Variants in SPTLC2 observed in about 807,000 individuals in gnomAD.
The protein encoded by SPTLC2 is serine palmitoyltransferase long chain base subunit 2.
A neutral mutation model predicts 62.0 loss-of-function variants in SPTLC2; 21 were observed. The ratio of observed to expected loss-of-function variants is 0.34; its 90% confidence interval spans 0.24 to 0.49. The LOEUF (loss-of-function observed/expected upper bound fraction) is 0.49, where lower values mean the gene tolerates loss of function less well. Among genes scored for constraint, SPTLC2 ranks in the 20% least tolerant of loss-of-function variants. The pLI is 0.99. For synonymous variants in SPTLC2, 261 were observed against 261.8 expected (o/e 1.00, Z 0.03); for missense variants, 511 against 713.0 (o/e 0.72, Z 3.23).
chr14:77,513,422 A>C (rs1224457723), intron 11 of SPTLC2, among the ~76,000 whole-genome samples: 2 of 152,228 alleles, frequency 1.3e-5, no homozygotes, highest in East Asian at 3.8e-4. Context: ...CAAAATGTGA[A>C]AAATATAAAA....
At chr14:77,546,764 T>G (rs369858731) in intron 9 of SPTLC2, among the ~76,000 whole-genome samples, 1 of 152,136 alleles carries the variant, frequency 6.6e-6, no homozygotes, top group African/African-American at 2.4e-5. Context: ...AGATGGAGTT[T>G]CGCTCTTGTT....
At chr14:77,604,117 CT>C (rs3837646) in intron 1 of SPTLC2, among the ~76,000 whole-genome samples, 29,464 of 152,188 alleles carry the variant, frequency 0.19, 3,074 homozygotes, top group South Asian at 0.3. Flanking sequence ...GGATGCGCCC[CT>C]GGTGGTCACG....
chr14:77,560,168 C>G (rs1259667519), intron 6 of SPTLC2, among the ~76,000 whole-genome samples: 1 of 152,164 alleles, frequency 6.6e-6, no homozygotes, highest in East Asian at 1.9e-4. Flanking sequence ...TGAGTAGGAA[C>G]AGTCAATCTC....
At position 77,553,287 on chromosome 14, in the gene SPTLC2, AAAAACC is replaced by A. The variant is rs1333367622; in HGVS notation, c.1177-1071_1177-1066del. Among the ~76,000 whole-genome samples, 42 of 152,360 alleles carry A rather than the reference AAAAACC, an allele frequency of 2.8e-4. 1 individual carries two copies. Among genetic ancestry groups the A allele is most frequent in the African/African-American group, 9.9e-4 (41 of 41,588 alleles). On this transcript the variant is annotated intron_variant, in intron 8 of 11. Coordinates refer to ENST00000216484, the MANE Select transcript of SPTLC2 (RefSeq NM_004863.4). ...TCAAAAATATTAAAAATTGTACTAA[AAAAACC>A]AAAAGCACAAATATATTGTACTTTA... is the stretch of plus-strand genomic sequence containing the variant.
intron 1 of SPTLC2, among the ~76,000 whole-genome samples, chr14:77,604,406 A>T (rs1030372250): frequency 6.6e-6 from 1 of 151,802 alleles, no homozygotes; most frequent in African/African-American, 2.4e-5. Context: ...CCAATAAATC[A>T]CTCTTTGCTT....
intron 2 of SPTLC2, among the ~76,000 whole-genome samples, chr14:77,589,747 G>A (rs1180495651): frequency 5.9e-5 from 9 of 151,704 alleles, no homozygotes; most frequent in Non-Finnish European, 8.8e-5. Context: ...CCAAGATTGC[G>A]CCATTGCACT....
intron 2 of SPTLC2, among the ~76,000 whole-genome samples, chr14:77,591,690 T>TG (rs2079817431): frequency 1.1e-5 from 1 of 89,656 alleles, no homozygotes; most frequent in Non-Finnish European, 2.4e-5. Flanking sequence ...AGTAGTGCTC[T>TG]TCTGTATGTA....
In SPTLC2 at chr14:77,606,373, C is replaced by CTGTGTGTGTGTG. The variant is rs59065946; in HGVS notation, c.133-9005_133-8994dup. ...TTTTGCTTTCCCAGGAGGGAGGGGA[C>CTGTGTGTGTGTG]TGTGTGTGTGTGTGTGTGTGTGTGT... On this transcript the variant is annotated intron_variant, in intron 1 of 11. Coordinates refer to ENST00000216484, the MANE Select transcript of SPTLC2 (RefSeq NM_004863.4). Among the ~76,000 whole-genome samples the CTGTGTGTGTGTG allele has an allele frequency of 4.9e-3, 726 of 148,332 alleles. 4 individuals are homozygous for CTGTGTGTGTGTG. Among genetic ancestry groups the CTGTGTGTGTGTG allele is most frequent in the African/African-American group, 7.8e-3 (313 of 40,022 alleles).
At chr14:77,578,076 T>A (rs2079726804) in intron 3 of SPTLC2, among the ~76,000 whole-genome samples, 1 of 151,344 alleles carries the variant, frequency 6.6e-6, no homozygotes. Context: ...ACTTGGGAGG[T>A]GGAGGTTGCA....
At chr14:77,514,124 A>G (rs1243267923) in intron 11 of SPTLC2, among the ~76,000 whole-genome samples, 1 of 151,894 alleles carries the variant, frequency 6.6e-6, no homozygotes, top group Non-Finnish European at 1.5e-5. Flanking sequence ...TGGAGGCTGC[A>G]GTGAGCCAAG....
chr14:77,579,033 T>C lies in SPTLC2; in HGVS notation c.404A>G (p.Asn135Ser). 6.2e-7 allele frequency: 1 copy of C among 1,614,146 alleles called. No individual in the cohort carries two copies. The highest frequency in any genetic ancestry group is 8.5e-7 in the Non-Finnish European group (1 of 1,180,012). The change falls in exon 3 of 12, where the codon AAT becomes AGT. Residue 135 changes from asparagine to serine, a missense_variant. Physicochemically the swap from Asn to Ser is conservative, Grantham distance 46. Coordinates refer to ENST00000216484, the MANE Select transcript of SPTLC2 (RefSeq NM_004863.4). ...NLYMRIRDNW[N>S]RPICSVPGAR... is the part of the protein sequence containing the mutation. Reference sequence around the variant, plus strand: ...TCCAGGCACACTACAGATTGGCCGATTCCAGTTGTCTCTTATCCTCATGTA... The same window carrying C: ...TCCAGGCACACTACAGATTGGCCGACTCCAGTTGTCTCTTATCCTCATGTA...
intron 8 of SPTLC2, among the ~76,000 whole-genome samples, chr14:77,552,558 C>T (rs965513822): frequency 6.6e-6 from 1 of 152,032 alleles, no homozygotes; most frequent in Non-Finnish European, 1.5e-5. Context: ...GTAATCCCAG[C>T]AGTTTGGGAG....
At chr14:77,577,793 G>A (rs189446370) in intron 3 of SPTLC2, among the ~76,000 whole-genome samples, 2 of 152,236 alleles carry the variant, frequency 1.3e-5, no homozygotes, top group East Asian at 1.9e-4. Context: ...CCAGCTACTC[G>A]GGAGGCTGAG....
At chr14:77,519,473 T>C (rs186716694) in intron 10 of SPTLC2, among the ~76,000 whole-genome samples, 10 of 151,870 alleles carry the variant, frequency 6.6e-5, no homozygotes, top group African/African-American at 1.7e-4. Context: ...TCCCAGCACT[T>C]TGGGAGGCCG....
At chr14:77,529,818 T>C (rs1314448020) in intron 9 of SPTLC2, among the ~76,000 whole-genome samples, 1 of 151,778 alleles carries the variant, frequency 6.6e-6, no homozygotes, top group Admixed American at 6.6e-5. Flanking sequence ...AGATGGGACT[T>C]CACCATGTTG....
chr14:77,533,382 G>A (rs181600399), intron 9 of SPTLC2, among the ~76,000 whole-genome samples: 5 of 151,260 alleles, frequency 3.3e-5, no homozygotes. Flanking sequence ...AACAGTTTTT[G>A]TAGAAATAAT....
chr14:77,604,728 G>A (rs963197153), intron 1 of SPTLC2, among the ~76,000 whole-genome samples: 20 of 152,048 alleles, frequency 1.3e-4, no homozygotes, highest in Admixed American at 9.8e-4. Flanking sequence ...TTAGCCGGGC[G>A]TGGTGGTGCA....
At chr14:77,593,530 C>G (rs891312017) in intron 2 of SPTLC2, among the ~76,000 whole-genome samples, 1 of 152,160 alleles carries the variant, frequency 6.6e-6, no homozygotes, top group Admixed American at 6.5e-5. Context: ...CAAAACACCA[C>G]GAATAACAGA....
intron 1 of SPTLC2, among the ~76,000 whole-genome samples, chr14:77,598,267 C>T (rs1445746040): frequency 1.3e-5 from 2 of 152,080 alleles, no homozygotes; most frequent in Admixed American, 1.3e-4. Context: ...AGAAGGACTG[C>T]ATAAGAACAC....
Sources: gnomAD v4.1 joint callset for allele counts (sites outside exome capture counted in the v4.1 genomes callset) on GRCh38, gnomAD v4.1.1 for gene constraint, MANE v1.5 for transcripts, NCBI Gene and HGNC (gene_info 2026-07-23, HGNC 2026-07-21) for gene names.